Variants in HPSE2 observed in about 807,000 individuals in gnomAD.
The protein encoded by HPSE2 is heparanase 2 (inactive), also known as inactive heparanase-2.
A neutral mutation model predicts 60.5 loss-of-function variants in HPSE2; 38 were observed. That is an observed-to-expected ratio of 0.63 (90% CI 0.48 to 0.82). The LOEUF (loss-of-function observed/expected upper bound fraction) is 0.82, where lower values mean the gene tolerates loss of function less well. HPSE2 is among the 40% of genes least tolerant of loss of function. The pLI is 0.00. For synonymous variants in HPSE2, 295 were observed against 293.2 expected (o/e 1.01, Z -0.06); for missense variants, 713 against 740.4 (o/e 0.96, Z 0.43).
chr10:99,296,402 T>C, the HPSE2 span, among the ~76,000 whole-genome samples: 23 of 152,218 alleles, frequency 1.5e-4, no homozygotes, highest in African/African-American at 4.8e-4. Context: ...GAACACAGAG[T>C]TACTGCCCCT....
At chr10:99,133,580 G>C (rs148911869) in intron 3 of HPSE2, among the ~76,000 whole-genome samples, 1 of 152,130 alleles carries the variant, frequency 6.6e-6, no homozygotes, top group Non-Finnish European at 1.5e-5. Context: ...GCCTCTGCTG[G>C]TGATACCCAG....
intron 3 of HPSE2, among the ~76,000 whole-genome samples, chr10:99,047,400 A>G (rs925060671): frequency 6.6e-6 from 1 of 152,218 alleles, no homozygotes; most frequent in Admixed American, 6.5e-5. Flanking sequence ...GCACTTTTCA[A>G]TATTGGTCTA....
intron 3 of HPSE2, among the ~76,000 whole-genome samples, chr10:98,918,634 A>T (rs1057371260): frequency 7.2e-6 from 1 of 138,984 alleles, no homozygotes; most frequent in Non-Finnish European, 1.5e-5. Context: ...AACAATGAGA[A>T]CACATGGACA....
intron 9 of HPSE2, among the ~76,000 whole-genome samples, chr10:98,599,330 G>A (rs150960226): frequency 1.2e-4 from 18 of 152,278 alleles, no homozygotes; most frequent in Non-Finnish European, 1.9e-4. Flanking sequence ...TGAATTGAAC[G>A]GTGCTATCCT....
Position 98,700,732 on chromosome 10 carries a change from T to C in HPSE2, c.957-6785A>G, listed in dbSNP as rs866419055. On this transcript the variant is annotated intron_variant, in intron 5 of 11. Transcript: ENST00000370552. ...AACCTACAAAATGGGAGAAAATTTT[T>C]GCAACCTACTCATCTGACAAAGGGC... is the stretch of plus-strand genomic sequence containing the variant. 1.2e-4 allele frequency among the ~76,000 whole-genome samples: 8 copies of C among 67,868 alleles called. 1 individual carries two copies. The highest frequency in any genetic ancestry group is 2.6e-4 in the African/African-American group (8 of 31,118). 44.5% of individuals were successfully genotyped at this position (67,868 alleles called of 152,430 possible). A position where few individuals can be genotyped will look rare whatever the true frequency, so the allele number is the denominator to read the frequency against.
At chr10:98,469,315 A>G (rs948828245) in intron 11 of HPSE2, among the ~76,000 whole-genome samples, 1 of 152,154 alleles carries the variant, frequency 6.6e-6, no homozygotes, top group Non-Finnish European at 1.5e-5. Context: ...TCAAAGCTCC[A>G]TGTCATAGGC....
intron 4 of HPSE2, among the ~76,000 whole-genome samples, chr10:98,729,381 G>A (rs1456331507): frequency 6.6e-6 from 1 of 152,140 alleles, no homozygotes; most frequent in African/African-American, 2.4e-5. Context: ...AGGCCAAGAT[G>A]GGTAGGTCAC....
chr10:98,754,382 T>C (rs1447765697), intron 3 of HPSE2, among the ~76,000 whole-genome samples: 1 of 152,072 alleles, frequency 6.6e-6, no homozygotes, highest in African/African-American at 2.4e-5. Flanking sequence ...AATCTATGAC[T>C]CGCTGGCATT....
chr10:98,942,280 A>G (rs1296776550), intron 3 of HPSE2, among the ~76,000 whole-genome samples: 1 of 143,418 alleles, frequency 7.0e-6, no homozygotes, highest in African/African-American at 2.8e-5. Flanking sequence ...AACTACCATT[A>G]GAGTGAACAG....
intron 5 of HPSE2, among the ~76,000 whole-genome samples, chr10:98,705,003 C>A (rs4917848): frequency 0.5 from 75,555 of 152,028 alleles, 21,100 homozygotes; most frequent in South Asian, 0.74. Context: ...GTTTTGCAAT[C>A]TGCCCATCTA....
intron 2 of HPSE2, among the ~76,000 whole-genome samples, chr10:99,214,037 G>C (rs534099782): frequency 2.0e-5 from 3 of 152,198 alleles, no homozygotes; most frequent in East Asian, 3.9e-4. Context: ...AATTTAAAAA[G>C]GGATAAAGAA....
At chr10:98,908,627 G>C (rs574539102) in intron 3 of HPSE2, among the ~76,000 whole-genome samples, 1 of 143,112 alleles carries the variant, frequency 7.0e-6, no homozygotes, top group Non-Finnish European at 1.5e-5. Context: ...AGGTTGTGGT[G>C]AGCCGAGATC....
intron 3 of HPSE2, among the ~76,000 whole-genome samples, chr10:98,848,304 G>T (rs1031944601): frequency 1.3e-5 from 2 of 152,064 alleles, no homozygotes; most frequent in African/African-American, 4.8e-5. Context: ...TGTAATCCCA[G>T]CTACTCAGGA....
the HPSE2 span, among the ~76,000 whole-genome samples, chr10:99,300,865 C>T: frequency 1.3e-5 from 2 of 152,162 alleles, no homozygotes; most frequent in South Asian, 4.1e-4. Flanking sequence ...AGACCCGAGG[C>T]TCAGAGTGGC....
chr10:99,127,384 T>C (rs1359209410), intron 3 of HPSE2, among the ~76,000 whole-genome samples: 1 of 152,082 alleles, frequency 6.6e-6, no homozygotes, highest in Non-Finnish European at 1.5e-5. Flanking sequence ...CTAGAACAAG[T>C]AGAAGAAAGA....
chr10:98,624,866 A>G (rs751783595), intron 7 of HPSE2, among the ~76,000 whole-genome samples: 8 of 152,168 alleles, frequency 5.3e-5, no homozygotes, highest in Non-Finnish European at 1.2e-4. Flanking sequence ...GCAGATAAAC[A>G]TTTATGTGGG....
intron 3 of HPSE2, among the ~76,000 whole-genome samples, chr10:99,001,872 A>G (rs575874787): frequency 2.7e-4 from 40 of 150,798 alleles, no homozygotes; most frequent in Non-Finnish European, 4.1e-4. Context: ...GAGTCAGCAA[A>G]TTTTTTTTTT....
intron 6 of HPSE2, among the ~76,000 whole-genome samples, chr10:98,650,286 G>A (rs2134058679): frequency 6.6e-6 from 1 of 152,284 alleles, no homozygotes; most frequent in South Asian, 2.1e-4. Context: ...CATCCCCAAG[G>A]TACATCAGCA....
At chr10:98,915,613 C>A (rs1954098833) in intron 3 of HPSE2, among the ~76,000 whole-genome samples, 1 of 152,186 alleles carries the variant, frequency 6.6e-6, no homozygotes, top group Non-Finnish European at 1.5e-5. Flanking sequence ...GCTTTAACAA[C>A]ATAACCAAAA....
Sources: gnomAD v4.1 joint callset for allele counts (sites outside exome capture counted in the v4.1 genomes callset) on GRCh38, gnomAD v4.1.1 for gene constraint, MANE v1.5 for transcripts, NCBI Gene and HGNC (gene_info 2026-07-23, HGNC 2026-07-21) for gene names.